The following COG2 variants were observed in gnomAD, a reference collection of about 807,000 sequenced individuals.
COG2 encodes component of oligomeric golgi complex 2.
In COG2, 52 loss-of-function variants were observed where a neutral mutation model predicts 90.6. The ratio of observed to expected loss-of-function variants is 0.57; its 90% CI spans 0.46 to 0.72. COG2 has a LOEUF of 0.72. Ranked by LOEUF, COG2 falls within the 30% of genes least tolerant of loss-of-function variation. COG2 has a pLI of 0.00. For missense variants in COG2, 829 were observed against 891.2 expected, an observed-to-expected ratio of 0.93 and a Z score of 0.89; for synonymous variants, 337 against 320.4, an observed-to-expected ratio of 1.05 and a Z score of -0.55.
chr1:230,672,362 C>G (rs189566776), intron 8 of COG2, among the ~76,000 whole-genome samples: 73 of 152,294 alleles, frequency 4.8e-4, no homozygotes, highest in African/African-American at 1.6e-3. Flanking sequence ...TAGAAACTTT[C>G]CCTCCATAGC....
Position 230,642,612 on chromosome 1 carries a change from G to C in COG2, c.6G>C (p.Glu2Asp), listed in dbSNP as rs775619019. 1 of 1,612,500 alleles carries C rather than the reference G, an allele frequency of 6.2e-7. No individual in the cohort carries two copies. Among genetic ancestry groups the C allele is most frequent in the South Asian group, 1.1e-5 (1 of 90,672 alleles). M[E>D]KSRMNLPKGP... ...GAGAGGCGGTGGCCGGCGGGATGGA[G>C]AAAAGTAGGATGAACCTGCCCAAGG... Residue 2 changes from glutamate to aspartate, a missense_variant, in exon 1 of 18, where the codon GAG (glutamate) becomes GAC (aspartate). Coordinates refer to ENST00000366669, the MANE Select transcript of COG2 (RefSeq NM_007357.3).
At chr1:230,666,726 C>T (rs188017358) in intron 5 of COG2, among the ~76,000 whole-genome samples, 2 of 152,302 alleles carry the variant, frequency 1.3e-5, no homozygotes, top group East Asian at 1.9e-4. Flanking sequence ...TTAACTTCCA[C>T]CTCCCTTTCA....
At chr1:230,667,982 C>G (rs1662360063) in intron 5 of COG2, among the ~76,000 whole-genome samples, 1 of 152,110 alleles carries the variant, frequency 6.6e-6, no homozygotes, top group Non-Finnish European at 1.5e-5. Context: ...AAAGAATGCC[C>G]TCTCACTAGG....
chr1:230,676,609 A>G (rs929632959), intron 9 of COG2, among the ~76,000 whole-genome samples: 1 of 152,142 alleles, frequency 6.6e-6, no homozygotes, highest in African/African-American at 2.4e-5. Flanking sequence ...GAATTACCCT[A>G]CATGTTTGTC....
At chr1:230,678,294 T>C (rs955978841) in intron 9 of COG2, 4 of 985,188 alleles carry the variant, frequency 4.1e-6, no homozygotes, top group Non-Finnish European at 4.8e-6. Flanking sequence ...GAAGCATCAT[T>C]TGTAAAATGG....
At chr1:230,678,859 C>T in intron 9 of COG2, 54 bp from the exon 10 acceptor site, 1 of 1,592,366 alleles carries the variant, frequency 6.3e-7, no homozygotes, top group South Asian at 1.1e-5. Flanking sequence ...AGTACATGCT[C>T]CCTGTTCTAG....
intron 3 of COG2, chr1:230,661,662 A>G (rs1662181629): frequency 6.6e-6 from 1 of 152,246 alleles, no homozygotes; most frequent in South Asian, 2.1e-4. Context: ...ATAAGTAAAC[A>G]TTCAGTGCAT....
intron 10 of COG2, chr1:230,683,249 A>G (rs1371339613): frequency 7.6e-6 from 2 of 264,194 alleles, no homozygotes; most frequent in Non-Finnish European, 1.5e-5. Flanking sequence ...TGAATAGAGG[A>G]TCATAATCAG....
At chr1:230,660,885 C>A in intron 3 of COG2, 62 bp downstream of exon 3, 2 of 1,175,824 alleles carry the variant, frequency 1.7e-6, no homozygotes, top group South Asian at 1.7e-5. Context: ...GTTTGCCCTT[C>A]CAAAAAAAAA....
Position 230,659,445 on chromosome 1 carries a change from C to T in COG2, c.73-19C>T, listed in dbSNP as rs376755531. 44 of 1,606,792 alleles carry T rather than the reference C, an allele frequency of 2.7e-5. No individual in the cohort carries two copies. The highest frequency in any genetic ancestry group is 1.2e-4 in the Admixed American group (7 of 59,768). On this transcript the variant is annotated intron_variant, in intron 1 of 17. Coordinates refer to ENST00000366669, the MANE Select transcript of COG2 (RefSeq NM_007357.3). ...GATATCATTGCTATAATTTTTTCTT[C>T]TCTGGTTTTATTTTTCAGGAAGATT...
At chr1:230,656,749 A>G (rs1482568911) in intron 1 of COG2, among the ~76,000 whole-genome samples, 1 of 152,060 alleles carries the variant, frequency 6.6e-6, no homozygotes, top group Non-Finnish European at 1.5e-5. Flanking sequence ...TGCTTTATGG[A>G]TCTGGGTGCT....
At position 230,669,551 on chromosome 1, in the gene COG2, T is replaced by C. The variant is rs1359507568; in HGVS notation, c.774+16T>C. ...CATAGACGAGGTCTGTGTACCTCCT[T>C]CAACAAACATTCATGAGCTTCTGTT... is the stretch of plus-strand genomic sequence containing the variant. On this transcript the variant is annotated intron_variant, in intron 7 of 17. Transcript: ENST00000366669. 6.2e-7 allele frequency: 1 copy of C among 1,606,576 alleles called. No homozygotes were observed. Among genetic ancestry groups the C allele is most frequent in the Non-Finnish European group, 8.5e-7 (1 of 1,175,100 alleles).
chr1:230,680,138 G>A (rs1662704631), intron 10 of COG2: 1 of 152,038 alleles, frequency 6.6e-6, no homozygotes, highest in Non-Finnish European at 1.5e-5. Flanking sequence ...GGAAATAGTT[G>A]GTATATGATA....
chr1:230,657,772 T>C (rs1279206545), intron 1 of COG2, among the ~76,000 whole-genome samples: 1 of 152,108 alleles, frequency 6.6e-6, no homozygotes, highest in African/African-American at 2.4e-5. Flanking sequence ...TCCTTTTTAT[T>C]CTTTTTTCTC....
At chr1:230,668,627 G>A (rs746126249) in intron 5 of COG2, 49 bp from the exon 6 acceptor site, 1 of 1,156,704 alleles carries the variant, frequency 8.6e-7, no homozygotes, top group South Asian at 1.5e-5. Context: ...TATTCTCGTG[G>A]AAATAGAGAC....
At position 230,671,628 on chromosome 1, in the gene COG2, G is replaced by A. The variant is rs766809616; in HGVS notation, c.887G>A (p.Gly296Asp). 5 of 1,613,442 alleles carry A rather than the reference G, an allele frequency of 3.1e-6. No homozygotes were observed. Among genetic ancestry groups the A allele is most frequent in the Admixed American group, 3.3e-5 (2 of 59,952 alleles). The change falls in exon 8 of 18, where the codon GGT (glycine) becomes GAT (aspartate). Residue 296 changes from glycine to aspartate, a missense_variant. By Grantham distance (94) the Gly-to-Asp change is moderately conservative. Coordinates refer to ENST00000366669, the MANE Select transcript of COG2 (RefSeq NM_007357.3). ...CGCCTTCTTCGAGAAGTCACAGGAG[G>A]TGCCATCTCCAGGTAATTTAAACAA... ...HCRLLREVTG[G>D]AISSEKGNTV... is the part of the protein sequence containing the mutation.
In COG2 at chr1:230,679,008, C is replaced by T. The variant is rs1379263339; in HGVS notation, c.1122C>T (p.His374=). The stretch of plus-strand genomic sequence containing the variant: ...GATTAAGAGCCCATCCTGCCTATCA[C>T]AGCTTCAATAAGAAGTGGAACTTGC... ...VKRLRAHPAY[H]SFNKKWNLPV... The change falls in exon 10 of 18, where the codon CAC becomes CAT. Residue 374 remains histidine, a synonymous_variant. Transcript: ENST00000366669. 2 of 1,613,678 alleles carry T rather than the reference C, an allele frequency of 1.2e-6. No homozygotes were observed. The highest frequency in any genetic ancestry group is 8.5e-7 in the Non-Finnish European group (1 of 1,179,632).
chr1:230,646,400 T>C (rs1040108476), intron 1 of COG2, among the ~76,000 whole-genome samples: 4 of 152,184 alleles, frequency 2.6e-5, no homozygotes, highest in African/African-American at 9.7e-5. Context: ...TTTCTGGTTA[T>C]CTTTTGGCCT....
rs1662266700 is a variant in COG2 at position 230,664,473 on chromosome 1, T to C, written c.382-11T>C. The C allele has an allele frequency of 8.1e-7, 1 of 1,237,026 alleles. No individual in the cohort carries two copies. The highest frequency in any genetic ancestry group is 2.5e-5 in the East Asian group (1 of 39,644). The allele number at this position is 1,237,026 out of a possible 1,614,324, so 76.6% of individuals were successfully genotyped here. ...ATGACAATAACTTTTTTCCTTAATT[T>C]TTATTTATAGATGTGTGTATTGAGG... On this transcript the variant is annotated splice_polypyrimidine_tract_variant and intron_variant, in intron 4 of 17. Transcript: ENST00000366669.
Sources: allele counts gnomAD v4.1 joint callset (sites outside exome capture counted in the v4.1 genomes callset), GRCh38; gene constraint gnomAD v4.1.1; transcripts MANE v1.5; gene names NCBI Gene and HGNC (gene_info 2026-07-23, HGNC 2026-07-21).